USP34: variants seen among roughly 807,000 people sequenced by gnomAD.
The protein encoded by USP34 is ubiquitin carboxyl-terminal hydrolase 34.
In USP34, 70 loss-of-function variants were observed where a neutral mutation model predicts 460.3. That is an observed-to-expected ratio of 0.15 (90% confidence interval 0.13 to 0.19). USP34 has a LOEUF of 0.19. USP34 is among the 10% of genes least tolerant of loss of function. USP34 has a pLI of 1.00. For synonymous variants in USP34, 1,647 were observed against 1,405.3 expected (o/e 1.17, Z -3.85); for missense variants, 3,985 against 4,236.2 (o/e 0.94, Z 1.65).
At chr2:61,239,595 G>C (rs916521546) in intron 53 of USP34, among the ~76,000 whole-genome samples, 3 of 152,126 alleles carry the variant, frequency 2.0e-5, no homozygotes, top group Non-Finnish European at 4.4e-5. Flanking sequence ...GGTAAGTTTA[G>C]TAGCTTCAAA....
chr2:61,246,636 T>G (rs532130118), intron 49 of USP34, among the ~76,000 whole-genome samples, 159 bp from the exon 50 acceptor site: 3 of 152,202 alleles, frequency 2.0e-5, no homozygotes, highest in Admixed American at 1.3e-4. Context: ...GAATCACTTT[T>G]ATAATAAACT....
At chr2:61,339,977 A>C (rs1472891682) in intron 16 of USP34, among the ~76,000 whole-genome samples, 2 of 152,142 alleles carry the variant, frequency 1.3e-5, no homozygotes, top group Non-Finnish European at 2.9e-5. Flanking sequence ...AGCATGGCAC[A>C]ATACTTATGA....
chr2:61,465,068 G>T (rs6545871), intron 1 of USP34, among the ~76,000 whole-genome samples: 97,371 of 152,000 alleles, frequency 0.64, 31,300 homozygotes, highest in Middle Eastern at 0.71. Flanking sequence ...AATGAAGCAT[G>T]AAAAGAAAAT....
At position 61,192,985 on chromosome 2, in the gene USP34, T is replaced by C. The variant is rs1380601150; in HGVS notation, c.9509-5A>G. On this transcript the variant is annotated splice_polypyrimidine_tract_variant and splice_region_variant and intron_variant, in intron 75 of 79. Coordinates refer to ENST00000398571, the MANE Select transcript of USP34 (RefSeq NM_014709.4). ...CTTCATAGGCAACTAGGACACCTAA[T>C]ATTTGAAAAGAAATCAGAATAGGTT... The C allele has an allele frequency of 6.2e-7, 1 of 1,611,638 alleles. No homozygotes were observed. Among genetic ancestry groups the C allele is most frequent in the African/African-American group, 1.3e-5 (1 of 74,838 alleles).
At chr2:61,195,105 A>T (rs372579151) in intron 75 of USP34, among the ~76,000 whole-genome samples, 33 of 152,254 alleles carry the variant, frequency 2.2e-4, no homozygotes, top group South Asian at 6.2e-4. Flanking sequence ...CTGTAATCCC[A>T]GCTATTCAGG....
chr2:61,248,118 T>C (rs1173444474), intron 49 of USP34, among the ~76,000 whole-genome samples: 1 of 135,182 alleles, frequency 7.4e-6, no homozygotes, highest in African/African-American at 2.8e-5. Flanking sequence ...ACCTGGGAGG[T>C]GGAGTGAGCC....
intron 18 of USP34, among the ~76,000 whole-genome samples, chr2:61,337,826 G>C (rs778412089): frequency 1.3e-5 from 2 of 152,112 alleles, no homozygotes; most frequent in Admixed American, 6.5e-5. Context: ...GGTATATTTT[G>C]TTAGGCATAT....
chr2:61,305,575 G>T (rs1169245630), intron 27 of USP34, among the ~76,000 whole-genome samples: 3 of 152,010 alleles, frequency 2.0e-5, no homozygotes, highest in Admixed American at 1.3e-4. Context: ...AACATTATAG[G>T]CTCAGAAATT....
intron 1 of USP34, among the ~76,000 whole-genome samples, chr2:61,462,522 C>G (rs1695632793): frequency 6.7e-6 from 1 of 150,098 alleles, no homozygotes; most frequent in African/African-American, 2.5e-5. Context: ...GCACTCCAGC[C>G]TGGGCCACAG....
chr2:61,339,779 A>G (rs534343463), intron 16 of USP34, 98 bp from the exon 17 acceptor site: 28 of 552,138 alleles, frequency 5.1e-5, no homozygotes, highest in Non-Finnish European at 7.7e-5. Context: ...AGTACACGAT[A>G]TTTTTCTCAG....
At chr2:61,379,988 A>C (rs1019555035) in intron 7 of USP34, among the ~76,000 whole-genome samples, 181 bp downstream of exon 7, 2 of 152,262 alleles carry the variant, frequency 1.3e-5, no homozygotes, top group African/African-American at 4.8e-5. Flanking sequence ...TATAAATCTA[A>C]GCTTCAGACT....
In USP34 at chr2:61,309,386, G is replaced by A. The variant is rs182153175; in HGVS notation, c.3817+2154C>T. Among the ~76,000 whole-genome samples the A allele has an allele frequency of 8.5e-5, 13 of 152,276 alleles. No individual in the cohort carries two copies. In the East Asian group the frequency reaches 2.5e-3, roughly 29 times the overall value. On this transcript the variant is annotated intron_variant, in intron 27 of 79. Coordinates refer to ENST00000398571, the MANE Select transcript of USP34 (RefSeq NM_014709.4). ...GAAACAGAATATCCAACACAGGAGA[G>A]AAGAGAATTACCAGAAGGATGATAA...
At chr2:61,292,062 C>T (rs948669426) in intron 33 of USP34, among the ~76,000 whole-genome samples, 2 of 151,974 alleles carry the variant, frequency 1.3e-5, no homozygotes, top group South Asian at 4.1e-4. Context: ...AGGGCTAAAG[C>T]GTTTAGGGGG....
intron 1 of USP34, among the ~76,000 whole-genome samples, chr2:61,461,823 A>G (rs1695609200): frequency 6.6e-6 from 1 of 152,246 alleles, no homozygotes; most frequent in Non-Finnish European, 1.5e-5. Flanking sequence ...CTAGAAATCT[A>G]AAAGAACCAG....
chr2:61,284,685 G>A (rs972379140), intron 35 of USP34, among the ~76,000 whole-genome samples, 190 bp downstream of exon 35: 1 of 152,046 alleles, frequency 6.6e-6, no homozygotes, highest in Admixed American at 6.5e-5. Context: ...CAGAAAATAC[G>A]TGACTCATAA....
chr2:61,337,451 GTTATTTAT>G (rs756749524), intron 18 of USP34, among the ~76,000 whole-genome samples: 10 of 151,136 alleles, frequency 6.6e-5, no homozygotes, highest in Admixed American at 3.3e-4. Context: ...GTTATGTTAT[GTTATTTAT>G]TTATTTATTT....
intron 1 of USP34, among the ~76,000 whole-genome samples, chr2:61,469,269 T>C (rs13415233): frequency 0.019 from 2,905 of 152,284 alleles, 88 homozygotes; most frequent in African/African-American, 0.065. Flanking sequence ...TCATATTACA[T>C]TGCAAAACGA....
At chr2:61,273,912 T>C (rs1457757859) in intron 41 of USP34, among the ~76,000 whole-genome samples, 4 of 152,092 alleles carry the variant, frequency 2.6e-5, no homozygotes, top group African/African-American at 9.7e-5. Flanking sequence ...ACTGGGTACA[T>C]ATCTGAAAAA....
intron 1 of USP34, among the ~76,000 whole-genome samples, 194 bp from the exon 2 acceptor site, chr2:61,421,027 T>G (rs142325629): frequency 2.0e-5 from 3 of 150,256 alleles, no homozygotes; most frequent in Non-Finnish European, 3.0e-5. Context: ...ATGTAAGGGG[T>G]GGGGGGGGCA....
Sources: allele counts gnomAD v4.1 joint callset (sites outside exome capture counted in the v4.1 genomes callset), GRCh38; gene constraint gnomAD v4.1.1; transcripts MANE v1.5; gene names NCBI Gene and HGNC (gene_info 2026-07-23, HGNC 2026-07-21).